ANO2: variants seen among roughly 807,000 people sequenced by gnomAD.
ANO2 encodes anoctamin 2.
ANO2 carries 101 observed loss-of-function variants against 124.2 expected under a neutral mutation model. The ratio of observed to expected loss-of-function variants is 0.81; its 90% CI spans 0.69 to 0.96. The LOEUF is 0.96. Ranked by LOEUF, ANO2 falls within the 40% of genes least tolerant of loss-of-function variation. The pLI, the probability that ANO2 is intolerant of heterozygous loss-of-function variation, is 0.00. For missense variants in ANO2, 1,293 were observed against 1,274.5 expected (o/e 1.01, Z -0.22); for synonymous variants, 486 against 482.5 (o/e 1.01, Z -0.09).
intron 20 of ANO2, among the ~76,000 whole-genome samples, chr12:5,591,177 T>TCAAAA (rs1156500049): frequency 6.6e-6 from 1 of 152,120 alleles, no homozygotes; most frequent in Non-Finnish European, 1.5e-5. Flanking sequence ...CGAAACTGTC[T>TCAAAA]CAAAACAAAA....
rs765593244 is a variant in ANO2, at chr12:5,635,232, G to C, written c.1736C>G (p.Thr579Arg). Reference sequence around the variant, plus strand: ...GACCACGAGGTTGATGATGACTGCTGTTGCTGTCACTGTCACCCGGACATT... The same window carrying C: ...GACCACGAGGTTGATGATGACTGCTCTTGCTGTCACTGTCACCCGGACATT... ...RSNVRVTVTA[T>R]AVIINLVVIL... is the part of the protein sequence containing the mutation. The change falls in exon 16 of 25, where the codon ACA becomes AGA. Residue 579 changes from threonine to arginine, a missense_variant. Physicochemically the swap from Thr to Arg is moderately conservative, Grantham distance 71. Coordinates refer to ENST00000682330, the MANE Select transcript of ANO2 (RefSeq NM_001364791.2). The surrounding 1 kb of genome is among the most constrained non-coding windows in gnomAD (Gnocchi z 5.2). 3 of 1,613,058 alleles carry C rather than the reference G, an allele frequency of 1.9e-6. No homozygotes were observed. Among genetic ancestry groups the C allele is most frequent in the Non-Finnish European group, 1.7e-6 (2 of 1,179,658 alleles).
chr12:5,909,337 GA>G (rs1940897062), intron 3 of ANO2, among the ~76,000 whole-genome samples: 29 of 152,150 alleles, frequency 1.9e-4, no homozygotes, highest in Admixed American at 1.9e-3. Flanking sequence ...ACTGTAAATT[GA>G]GAAAACTATC....
Position 5,563,275 on chromosome 12 carries a change from C to T in ANO2, c.*24G>A, listed in dbSNP as rs1220414511. The T allele has an allele frequency of 2.8e-5, 44 of 1,583,910 alleles. No homozygotes were observed. The highest frequency in any genetic ancestry group is 3.8e-5 in the Non-Finnish European group (44 of 1,170,012). ...ATGTGCGTGTCTCTGCTGCCGTGCC[C>T]TCCTCTGCTGCAGGCTGAACTGCTC... On this transcript the variant is annotated 3_prime_UTR_variant, in exon 25 of 25. Coordinates refer to ENST00000682330, the MANE Select transcript of ANO2 (RefSeq NM_001364791.2).
intron 14 of ANO2, among the ~76,000 whole-genome samples, chr12:5,668,425 T>A (rs1402696332): frequency 6.6e-6 from 1 of 152,230 alleles, no homozygotes; most frequent in East Asian, 1.9e-4. Flanking sequence ...TTGTTTAAGC[T>A]CCTTGCAGAT....
intron 14 of ANO2, among the ~76,000 whole-genome samples, chr12:5,655,041 C>T (rs416667): frequency 0.26 from 40,159 of 152,036 alleles, 5,768 homozygotes; most frequent in African/African-American, 0.36. Flanking sequence ...TTCTCCTATA[C>T]ACCCATCGGT....
chr12:5,887,624 G>A (rs913446684), intron 3 of ANO2, among the ~76,000 whole-genome samples: 3 of 152,224 alleles, frequency 2.0e-5, no homozygotes, highest in African/African-American at 7.2e-5. Context: ...TCAGACATCA[G>A]TTGTTTCTGA....
In ANO2 at chr12:5,684,106, A is replaced by G. The variant is rs1018435054; in HGVS notation, c.1546-36305T>C. ...GGCAAGGCATAGGCAGGCCAAGTAT[A>G]TGCCCTGGGACCCTTCATGCCAGGT... On this transcript the variant is annotated intron_variant, in intron 14 of 24. Transcript: ENST00000682330. 1.7e-4 allele frequency among the ~76,000 whole-genome samples: 26 copies of G among 152,142 alleles called. 1 individual carries two copies. The highest frequency in any genetic ancestry group is 6.3e-4 in the African/African-American group (26 of 41,436).
At chr12:5,746,219 G>A (rs1408084264) in intron 11 of ANO2, among the ~76,000 whole-genome samples, 1 of 152,218 alleles carries the variant, frequency 6.6e-6, no homozygotes, top group Non-Finnish European at 1.5e-5. Context: ...CAGCCAAGCG[G>A]GTGCAAAGCA....
Position 5,643,029 on chromosome 12 carries a change from A to C in ANO2, c.1620+4698T>G, listed in dbSNP as rs146483129. Among the ~76,000 whole-genome samples the C allele has an allele frequency of 2.3e-3, 356 of 151,896 alleles. 1 individual carries two copies. The highest frequency in any genetic ancestry group is 7.7e-3 in the African/African-American group (317 of 41,298). On this transcript the variant is annotated intron_variant, in intron 15 of 24. Coordinates refer to ENST00000682330, the MANE Select transcript of ANO2 (RefSeq NM_001364791.2). ...TAATATATGTATTTTGTGTCTTTTT[A>C]AATTTTATTGTGAACATGCAGAAAA... is the stretch of plus-strand genomic sequence containing the variant.
intron 20 of ANO2, among the ~76,000 whole-genome samples, chr12:5,592,611 T>C (rs1181412993): frequency 2.0e-5 from 3 of 152,146 alleles, no homozygotes; most frequent in Non-Finnish European, 4.4e-5. Flanking sequence ...GAAAAATGAA[T>C]GCAATCTGGC....
chr12:5,666,405 C>G (rs536555686), intron 14 of ANO2, among the ~76,000 whole-genome samples: 2 of 152,286 alleles, frequency 1.3e-5, no homozygotes, highest in African/African-American at 2.4e-5. Flanking sequence ...CCCTTGTGTC[C>G]TCTTCTTTCA....
chr12:5,806,172 T>G, intron 8 of ANO2, 79 bp from the exon 9 acceptor site: 1 of 1,432,568 alleles, frequency 7.0e-7, no homozygotes, highest in Middle Eastern at 1.8e-4. Context: ...ATTTTCTTTT[T>G]TATTTTCTAA....
intron 14 of ANO2, among the ~76,000 whole-genome samples, chr12:5,687,689 C>T (rs754406093): frequency 6.6e-6 from 1 of 152,238 alleles, no homozygotes; most frequent in Non-Finnish European, 1.5e-5. Flanking sequence ...TGCATTTCCA[C>T]AACACCTTTC....
At chr12:5,884,157 C>T (rs549116690) in intron 3 of ANO2, among the ~76,000 whole-genome samples, 21 of 152,216 alleles carry the variant, frequency 1.4e-4, no homozygotes, top group Non-Finnish European at 3.1e-4. Context: ...ATCTGGGCCT[C>T]TCACCAGTCA....
At chr12:5,754,827 A>C (rs894991052) in intron 10 of ANO2, among the ~76,000 whole-genome samples, 5 of 151,894 alleles carry the variant, frequency 3.3e-5, no homozygotes, top group Non-Finnish European at 5.9e-5. Context: ...TTTCCTTTTC[A>C]TTAGTCTAAC....
Position 5,563,440 on chromosome 12 carries a change from C to G in ANO2, c.2856G>C (p.Lys952Asn). 2 of 1,613,670 alleles carry G rather than the reference C, an allele frequency of 1.2e-6. No homozygotes were observed. Among genetic ancestry groups the G allele is most frequent in the Non-Finnish European group, 1.7e-6 (2 of 1,179,786 alleles). Residue 952 changes from lysine (K) to asparagine (N), a missense_variant, in exon 25 of 25, where the codon AAG (lysine) becomes AAC (asparagine). By Grantham distance (94) the Lys-to-Asn change is moderately conservative. Coordinates refer to ENST00000682330, the MANE Select transcript of ANO2 (RefSeq NM_001364791.2). ...GAGCCGGCTCATCCATCAGCTTGAG[C>G]TTCTCATGCTCCTCTTTCAGGAAGA... is the stretch of plus-strand genomic sequence containing the variant. ...VDFFLKEEHE[K>N]LKLMDEPALR...
chr12:5,735,248 A>T (rs1418796470), intron 13 of ANO2, among the ~76,000 whole-genome samples: 1 of 152,130 alleles, frequency 6.6e-6, no homozygotes, highest in East Asian at 1.9e-4. Context: ...GTTATCTGAT[A>T]CCAAGTCATC....
intron 3 of ANO2, among the ~76,000 whole-genome samples, chr12:5,905,969 C>T (rs1035149033): frequency 2.3e-4 from 35 of 152,182 alleles, no homozygotes; most frequent in Admixed American, 2.0e-3. Context: ...TTTCTCTCTT[C>T]GGGCGTCTCC....
chr12:5,594,340 G>T (rs1441455572), intron 20 of ANO2, among the ~76,000 whole-genome samples: 2 of 152,142 alleles, frequency 1.3e-5, no homozygotes, highest in Admixed American at 6.6e-5. Context: ...TTCCTCCTGA[G>T]CCTTACTATC....
Sources: gnomAD v4.1 joint callset for allele counts (sites outside exome capture counted in the v4.1 genomes callset) on GRCh38, gnomAD v4.1.1 for gene constraint, Gnocchi (gnomAD v3.1) non-coding constraint, MANE v1.5 for transcripts, NCBI Gene and HGNC (gene_info 2026-07-23, HGNC 2026-07-21) for gene names.